The following DSCAML1 variants were observed in gnomAD, a reference collection of about 807,000 sequenced individuals.
DSCAML1 encodes DS cell adhesion molecule like 1, also known as cell adhesion molecule DSCAML1.
Under a neutral mutation model 200.5 loss-of-function variants are expected in DSCAML1, and 38 were observed. The ratio of observed to expected loss-of-function variants is 0.19; its 90% CI spans 0.15 to 0.25. The LOEUF is 0.25. Among genes scored for constraint, DSCAML1 ranks in the 10% least tolerant of loss-of-function variants. The pLI, the probability that DSCAML1 is intolerant of heterozygous loss-of-function variation, is 1.00. For synonymous variants in DSCAML1, 1,215 were observed against 1,165.0 expected (o/e 1.04, Z -0.87); for missense variants, 2,223 against 2,858.8 (o/e 0.78, Z 5.07).
intron 3 of DSCAML1, among the ~76,000 whole-genome samples, chr11:117,560,715 G>C (rs368080292): frequency 1.3e-5 from 2 of 152,282 alleles, no homozygotes; most frequent in East Asian, 3.9e-4. Flanking sequence ...GACTCAGAGT[G>C]TCAGAGAAAA....
chr11:117,796,953 C>G, intron 1 of DSCAML1, 81 bp downstream of exon 1: 1 of 1,119,084 alleles, frequency 8.9e-7, no homozygotes, highest in Non-Finnish European at 1.1e-6. Context: ...ACCTGGAGCC[C>G]GCCGGGCACC....
At chr11:117,815,830 G>T (rs1341493227) in intron 1 of DSCAML1, among the ~76,000 whole-genome samples, 1 of 151,000 alleles carries the variant, frequency 6.6e-6, no homozygotes, top group Non-Finnish European at 1.5e-5. Context: ...CTCTGCCCTG[G>T]TCTCCCGCCC....
chr11:117,575,952 G>A (rs778410483), intron 3 of DSCAML1, among the ~76,000 whole-genome samples: 3 of 152,182 alleles, frequency 2.0e-5, no homozygotes, highest in Admixed American at 2.0e-4. Context: ...CCTTGTCTGC[G>A]CTACAGAATA....
chr11:117,434,453 A>G (rs1044872508), intron 27 of DSCAML1, among the ~76,000 whole-genome samples: 3 of 151,774 alleles, frequency 2.0e-5, no homozygotes, highest in Admixed American at 6.6e-5. Flanking sequence ...CACAATTCCA[A>G]TAGTTTTTCC....
chr11:117,514,001 T>C (rs1436644425), intron 8 of DSCAML1, among the ~76,000 whole-genome samples: 3 of 152,166 alleles, frequency 2.0e-5, no homozygotes, highest in Non-Finnish European at 4.4e-5. Context: ...GGATGTCCAG[T>C]GATATCACAT....
chr11:117,697,960 C>G (rs28895272), intron 3 of DSCAML1, among the ~76,000 whole-genome samples: 1 of 151,950 alleles, frequency 6.6e-6, no homozygotes, highest in Non-Finnish European at 1.5e-5. Flanking sequence ...TTAGTAGATA[C>G]GGGGTTTCAC....
At position 117,454,873 on chromosome 11, in the gene DSCAML1, G is replaced by T. The variant is rs11606077; in HGVS notation, c.3568+3881C>A. Among the ~76,000 whole-genome samples, 724 of 152,294 alleles carry T rather than the reference G, an allele frequency of 4.8e-3. 4 individuals are homozygous for T. Among genetic ancestry groups the T allele is most frequent in the African/African-American group, 0.017 (699 of 41,552 alleles). ...CTTTTGGTCCACTTTTACCCTTAGA[G>T]TGCTGTCCTTCATGGTCTCACCTCT... On this transcript the variant is annotated intron_variant, in intron 19 of 32. Transcript: ENST00000651296.
intron 3 of DSCAML1, among the ~76,000 whole-genome samples, chr11:117,610,765 C>T (rs886454142): frequency 5.3e-5 from 8 of 151,662 alleles, no homozygotes; most frequent in African/African-American, 1.9e-4. Context: ...TTAACTACTC[C>T]TGAGCATTTA....
intron 3 of DSCAML1, among the ~76,000 whole-genome samples, chr11:117,717,622 C>A (rs1252225990): frequency 1.3e-5 from 2 of 152,316 alleles, no homozygotes; most frequent in East Asian, 1.9e-4. Context: ...GACTTCCTGG[C>A]GCCATGCCGT....
At chr11:117,639,315 G>T (rs1192606858) in intron 3 of DSCAML1, among the ~76,000 whole-genome samples, 1 of 148,196 alleles carries the variant, frequency 6.7e-6, no homozygotes, top group African/African-American at 2.5e-5. Flanking sequence ...TGGATGGGTA[G>T]GAGGCTGGAT....
At chr11:117,457,263 G>A (rs1339196168) in intron 19 of DSCAML1, among the ~76,000 whole-genome samples, 1 of 152,212 alleles carries the variant, frequency 6.6e-6, no homozygotes, top group Non-Finnish European at 1.5e-5. Flanking sequence ...ACCATGAGTG[G>A]CTCTGGGGCA....
chr11:117,797,591 C>T (rs981910045), upstream of DSCAML1, among the ~76,000 whole-genome samples: 5 of 132,550 alleles, frequency 3.8e-5, no homozygotes, highest in Admixed American at 2.3e-4. Context: ...GCTTACCCGG[C>T]CCCCCCACCC....
intron 3 of DSCAML1, among the ~76,000 whole-genome samples, chr11:117,704,295 A>G (rs1019683078): frequency 6.6e-6 from 1 of 152,096 alleles, no homozygotes; most frequent in South Asian, 2.1e-4. Context: ...TTCCTTGAAA[A>G]GCTCAGTGTC....
At chr11:117,650,667 CTGTGTGTG>C (rs66966642) in intron 3 of DSCAML1, among the ~76,000 whole-genome samples, 37 of 143,528 alleles carry the variant, frequency 2.6e-4, no homozygotes, top group African/African-American at 6.2e-4. Flanking sequence ...GTGTGTCTAT[CTGTGTGTG>C]TGTGTGTGTG....
In DSCAML1 at chr11:117,773,476, A is replaced by G. The variant is rs2055073752; in HGVS notation, c.511+3315T>C. ...CCATTAACCTTCAGGGCAACTTGCC[A>G]TGTAATCTTCCCCTACCATGAGAAG... is the stretch of plus-strand genomic sequence containing the variant. On this transcript the variant is annotated intron_variant, in intron 3 of 32. Transcript: ENST00000651296. 4.0e-5 allele frequency among the ~76,000 whole-genome samples: 6 copies of G among 151,524 alleles called. No homozygotes were observed. In the South Asian group the frequency reaches 1.3e-3, roughly 32 times the overall value.
At chr11:117,748,891 T>A (rs927775285) in intron 3 of DSCAML1, among the ~76,000 whole-genome samples, 1 of 151,996 alleles carries the variant, frequency 6.6e-6, no homozygotes, top group Non-Finnish European at 1.5e-5. Flanking sequence ...AGATGGAGGG[T>A]CCCACTGCCC....
At position 117,521,407 on chromosome 11, in the gene DSCAML1, T is replaced by TGGGCC. The variant is rs1418428114; in HGVS notation, c.938-7_938-3dup. ...GTGTCAGGGTCACATGAAGGGGATC[T>TGGGCC]GGGCCGGGCCAGGGAGACGTGAGGG... On this transcript the variant is annotated splice_polypyrimidine_tract_variant and splice_region_variant and intron_variant, in intron 5 of 32. Transcript: ENST00000651296. 3 of 1,611,006 alleles carry TGGGCC rather than the reference T, an allele frequency of 1.9e-6. No individual in the cohort carries two copies. The South Asian group carries it at 3.3e-5, about 18-fold the overall frequency.
At chr11:117,658,109 C>T (rs1257434557) in intron 3 of DSCAML1, among the ~76,000 whole-genome samples, 2 of 152,080 alleles carry the variant, frequency 1.3e-5, no homozygotes, top group East Asian at 3.9e-4. Flanking sequence ...ACAAAGGCTT[C>T]GTGGTGACTG....
At chr11:117,584,691 T>C (rs546742004) in intron 3 of DSCAML1, among the ~76,000 whole-genome samples, 20 of 152,344 alleles carry the variant, frequency 1.3e-4, no homozygotes, top group Non-Finnish European at 1.9e-4. Context: ...GGTTTTGTTT[T>C]TTAAGGTGCC....
Sources: allele counts gnomAD v4.1 joint callset (sites outside exome capture counted in the v4.1 genomes callset), GRCh38; gene constraint gnomAD v4.1.1; transcripts MANE v1.5; gene names NCBI Gene and HGNC (gene_info 2026-07-23, HGNC 2026-07-21).